The following ABCC2 variants were observed in gnomAD, a reference collection of about 807,000 sequenced individuals.
ABCC2 encodes the protein ATP-binding cassette sub-family C member 2.
ABCC2 carries 157 observed loss-of-function variants against 173.4 expected under a neutral mutation model. The observed-to-expected ratio is 0.91, with a 90% CI of 0.80 to 1.03. The LOEUF (loss-of-function observed/expected upper bound fraction) is 1.03. Ranked by LOEUF, ABCC2 falls within the 50% of genes least tolerant of loss-of-function variation. ABCC2 has a pLI of 0.00. For missense variants in ABCC2, 1,822 were observed against 1,852.3 expected, an observed-to-expected ratio of 0.98 and a Z score of 0.30; for synonymous variants, 657 against 693.5, an observed-to-expected ratio of 0.95 and a Z score of 0.83.
At chr10:99,847,152 C>G (rs2039030368) in intron 30 of ABCC2, 25 bp downstream of exon 30, 1 of 1,613,116 alleles carries the variant, frequency 6.2e-7, no homozygotes, top group African/African-American at 1.3e-5. Flanking sequence ...CCTGCTACCC[C>G]TGCAGGCAAT....
chr10:99,794,319 C>A, intron 5 of ABCC2, 94 bp from the exon 6 acceptor site: 1 of 1,179,150 alleles, frequency 8.5e-7, no homozygotes, highest in Non-Finnish European at 1.3e-6. Flanking sequence ...TCTAGCACAA[C>A]ATTATATCAT....
In ABCC2 at chr10:99,851,590, A is replaced by T; in HGVS notation, c.4597A>T (p.Lys1533Ter). 1 of 1,614,196 alleles carries T rather than the reference A, an allele frequency of 6.2e-7. No individual in the cohort carries two copies. The highest frequency in any genetic ancestry group is 8.5e-7 in the Non-Finnish European group (1 of 1,180,028). ...QIPGPFYFMA[K>*]EAGIENVNST... ...CCCTGGACCCTTTTACTTTATGGCT[A>T]AGGAAGCTGGCATTGAGAATGTGAA... Residue 1533 changes from lysine to a stop codon, truncating the protein, a stop_gained, in exon 32 of 32, where the codon AAG (lysine) becomes TAG (stop). Transcript: ENST00000647814. LOFTEE classifies it high-confidence loss of function.
At chr10:99,813,774 C>T (rs1359219019) in intron 16 of ABCC2, among the ~76,000 whole-genome samples, 1 of 151,904 alleles carries the variant, frequency 6.6e-6, no homozygotes, top group Non-Finnish European at 1.5e-5. Context: ...ATCATGCATC[C>T]TGCAAAACTG....
chr10:99,841,307 C>A (rs948220651), intron 25 of ABCC2, among the ~76,000 whole-genome samples: 1 of 152,214 alleles, frequency 6.6e-6, no homozygotes, highest in African/African-American at 2.4e-5. Flanking sequence ...AATTCCAGCA[C>A]TTTGGGAGAC....
chr10:99,811,824 G>A (rs1160270891), intron 15 of ABCC2, among the ~76,000 whole-genome samples: 1 of 152,182 alleles, frequency 6.6e-6, no homozygotes, highest in African/African-American at 2.4e-5. Flanking sequence ...CTACTATGGG[G>A]CCATGAATAT....
At chr10:99,788,520 C>T (rs1417016274) in intron 2 of ABCC2, 3 of 152,344 alleles carry the variant, frequency 2.0e-5, no homozygotes, top group Middle Eastern at 3.4e-3. Context: ...GGAAGAATTC[C>T]GCCACTACCC....
chr10:99,817,376 TG>T lies in ABCC2; in HGVS notation c.2165del (p.Gly722GlufsTer38). On this transcript the variant is annotated frameshift_variant, in exon 17 of 32. Coordinates refer to ENST00000647814, the MANE Select transcript of ABCC2 (RefSeq NM_000392.5). LOFTEE classifies it high-confidence loss of function. ...NGTIKDNILFGTEFNEKRYQQ... is the reference protein window; with the variant it reads ...NGTIKDNILFXTEFNEKRYQQ... ...GCACCATAAAGGACAACATCCTTTT[TG>T]GAACAGAGTTTAATGAAAAGAGGTA... 6.2e-7 allele frequency: 1 copy of T among 1,614,174 alleles called. No individual in the cohort carries two copies.
Position 99,793,438 on chromosome 10 carries a change from C to T in ABCC2, c.334-113C>T, listed in dbSNP as rs555457223. Reference sequence around the variant, plus strand: ...GCTCTCTACCTGGCCAGATTAGTCACGACAGTCTCCTCCCTCAGCCCTCCT... The same window carrying T: ...GCTCTCTACCTGGCCAGATTAGTCATGACAGTCTCCTCCCTCAGCCCTCCT... On this transcript the variant is annotated intron_variant, in intron 3 of 31. Transcript: ENST00000647814. 6.7e-5 allele frequency: 100 copies of T among 1,493,176 alleles called. 1 individual carries two copies. The highest frequency in any genetic ancestry group is 3.4e-4 in the Admixed American group (20 of 59,474). 92.5% of individuals were successfully genotyped at this position (1,493,176 alleles called of 1,614,324 possible).
chr10:99,844,251 G>A (rs1338315469), intron 27 of ABCC2, 71 bp from the exon 28 acceptor site: 16 of 1,579,980 alleles, frequency 1.0e-5, no homozygotes, highest in South Asian at 2.2e-5. Context: ...TCTATGACAC[G>A]AGTCCTGGGT....
intron 27 of ABCC2, 152 bp downstream of exon 27, chr10:99,844,052 A>C: frequency 1.2e-6 from 1 of 815,812 alleles, no homozygotes; most frequent in South Asian, 1.5e-5. Context: ...TAATTTCTTC[A>C]AACTTAGAAT....
chr10:99,850,945 G>A, intron 31 of ABCC2, 149 bp downstream of exon 31: 2 of 1,020,466 alleles, frequency 2.0e-6, no homozygotes, highest in Non-Finnish European at 3.0e-6. Flanking sequence ...CAAGTAATCT[G>A]GCCAAAATTT....
At chr10:99,834,358 T>A in intron 23 of ABCC2, 22 bp from the exon 24 acceptor site, 4 of 1,613,294 alleles carry the variant, frequency 2.5e-6, no homozygotes, top group Non-Finnish European at 3.4e-6. Flanking sequence ...TGATGGTGTA[T>A]CTCTCCTAAT....
intron 2 of ABCC2, among the ~76,000 whole-genome samples, chr10:99,787,714 G>A (rs1260157217): frequency 6.6e-6 from 1 of 151,948 alleles, no homozygotes; most frequent in East Asian, 1.9e-4. Context: ...GGGGGTGTGA[G>A]TGTATTTAAC....
chr10:99,799,511 G>A (rs1257453040), intron 8 of ABCC2, 141 bp downstream of exon 8: 4 of 1,031,224 alleles, frequency 3.9e-6, no homozygotes, highest in Non-Finnish European at 6.0e-6. Context: ...TAACCTTACA[G>A]CATTGTGTTC....
chr10:99,813,329 T>C (rs897639928), intron 16 of ABCC2, among the ~76,000 whole-genome samples, 185 bp downstream of exon 16: 1 of 152,220 alleles, frequency 6.6e-6, no homozygotes, highest in Admixed American at 6.5e-5. Flanking sequence ...GGGTAAGATT[T>C]GGGAATCTGC....
At chr10:99,836,011 T>A in intron 24 of ABCC2, 80 bp from the exon 25 acceptor site, 1 of 1,416,182 alleles carries the variant, frequency 7.1e-7, no homozygotes, top group Non-Finnish European at 9.9e-7. Flanking sequence ...GGAAGAATGC[T>A]GGGTTGTGGC....
intron 30 of ABCC2, among the ~76,000 whole-genome samples, chr10:99,848,999 C>T (rs994606714): frequency 6.6e-6 from 1 of 152,112 alleles, no homozygotes; most frequent in Admixed American, 6.5e-5. Context: ...CCGAGGCAGC[C>T]GGATCACCTG....
chr10:99,803,873 G>T, intron 9 of ABCC2, 146 bp from the exon 10 acceptor site: 2 of 976,830 alleles, frequency 2.0e-6, no homozygotes, highest in Non-Finnish European at 1.6e-6. Flanking sequence ...TGTAAGATTT[G>T]GAGGCAAGAA....
intron 25 of ABCC2, among the ~76,000 whole-genome samples, chr10:99,836,907 G>T (rs1189333821): frequency 6.6e-6 from 1 of 152,186 alleles, no homozygotes; most frequent in Non-Finnish European, 1.5e-5. Context: ...AAATTCTTGA[G>T]TGGCTTCCAA....
Sources: allele counts gnomAD v4.1 joint callset (sites outside exome capture counted in the v4.1 genomes callset), GRCh38; gene constraint gnomAD v4.1.1; transcripts MANE v1.5; gene names NCBI Gene and HGNC (gene_info 2026-07-23, HGNC 2026-07-21).